The following SLC35F1 variants were observed in gnomAD, a reference collection of about 807,000 sequenced individuals.
The protein encoded by SLC35F1 is chromosome 6 open reading frame 169.
SLC35F1 carries 14 observed loss-of-function variants against 48.7 expected under a neutral mutation model. That is an observed-to-expected ratio of 0.29 (90% CI 0.19 to 0.45). The LOEUF (loss-of-function observed/expected upper bound fraction) is 0.45. SLC35F1 is among the 20% of genes least tolerant of loss of function. SLC35F1 has a pLI of 1.00. For synonymous variants in SLC35F1, 190 were observed against 202.2 expected, an observed-to-expected ratio of 0.94 and a Z score of 0.51; for missense variants, 404 against 500.0, an observed-to-expected ratio of 0.81 and a Z score of 1.83.
chr6:118,177,427 C>T (rs1183238182), intron 2 of SLC35F1, among the ~76,000 whole-genome samples: 1 of 152,096 alleles, frequency 6.6e-6, no homozygotes, highest in African/African-American at 2.4e-5. Flanking sequence ...GAGATAATCC[C>T]TCCCACATAC....
chr6:118,244,900 A>G (rs1180930614), intron 3 of SLC35F1, among the ~76,000 whole-genome samples: 2 of 152,258 alleles, frequency 1.3e-5, no homozygotes, highest in Non-Finnish European at 2.9e-5. Flanking sequence ...AATGAATGAA[A>G]GGATGAATTT....
intron 1 of SLC35F1, among the ~76,000 whole-genome samples, chr6:118,034,196 C>G (rs1468638737): frequency 1.3e-5 from 2 of 151,932 alleles, no homozygotes; most frequent in Non-Finnish European, 2.9e-5. Context: ...GTCACTGTTA[C>G]TTTTTTTTAA....
At chr6:118,072,638 GATA>G (rs1772752222) in intron 1 of SLC35F1, among the ~76,000 whole-genome samples, 1 of 152,154 alleles carries the variant, frequency 6.6e-6, no homozygotes, top group Admixed American at 6.5e-5. Flanking sequence ...TTTCCTACAG[GATA>G]ATATTTCATT....
chr6:117,990,323 G>C (rs1459497172), intron 1 of SLC35F1, among the ~76,000 whole-genome samples: 2 of 152,118 alleles, frequency 1.3e-5, no homozygotes, highest in East Asian at 3.9e-4. Flanking sequence ...CCATTGGGAA[G>C]TGTGAGTAGT....
In SLC35F1 at chr6:118,287,243, A is replaced by G. The variant is rs1336449057; in HGVS notation, c.1002+1905A>G. On this transcript the variant is annotated intron_variant, in intron 7 of 7. Transcript: ENST00000360388. ...CAGTCATTTTCCAGAGCTCTGGGGA[A>G]CACCTGGCTATGGGTTCATCCTCAC... Among the ~76,000 whole-genome samples the G allele has an allele frequency of 3.9e-5, 6 of 152,276 alleles. No individual in the cohort carries two copies. In the East Asian group the frequency reaches 5.8e-4, roughly 15 times the overall value.
At chr6:118,072,268 A>G (rs1772742965) in intron 1 of SLC35F1, among the ~76,000 whole-genome samples, 1 of 152,162 alleles carries the variant, frequency 6.6e-6, no homozygotes, top group African/African-American at 2.4e-5. Context: ...CTGAGCATAA[A>G]AATTAGAGGA....
intron 3 of SLC35F1, among the ~76,000 whole-genome samples, chr6:118,237,558 T>A (rs1364896922): frequency 6.6e-6 from 1 of 152,054 alleles, no homozygotes; most frequent in Non-Finnish European, 1.5e-5. Flanking sequence ...CCTGGCTAAT[T>A]TTTGTAGTTT....
intron 1 of SLC35F1, among the ~76,000 whole-genome samples, chr6:117,980,534 A>G (rs1384054169): frequency 1.3e-5 from 2 of 152,188 alleles, no homozygotes; most frequent in African/African-American, 4.8e-5. Context: ...TGGAACAGAA[A>G]GGAGTTTCTG....
At chr6:118,175,014 A>C (rs1255813296) in intron 2 of SLC35F1, among the ~76,000 whole-genome samples, 1 of 152,156 alleles carries the variant, frequency 6.6e-6, no homozygotes, top group Non-Finnish European at 1.5e-5. Flanking sequence ...AACCAGAGCT[A>C]TAGAAGTCGG....
intron 1 of SLC35F1, among the ~76,000 whole-genome samples, chr6:118,059,184 C>T (rs1435301996): frequency 6.6e-6 from 1 of 152,080 alleles, no homozygotes; most frequent in East Asian, 1.9e-4. Flanking sequence ...TATTTTCTTA[C>T]AAAAAACACT....
chr6:117,970,164 A>C (rs1441035757), intron 1 of SLC35F1, among the ~76,000 whole-genome samples: 1 of 152,232 alleles, frequency 6.6e-6, no homozygotes, highest in African/African-American at 2.4e-5. Context: ...TGATGTATTC[A>C]TCATGCCAGT....
chr6:117,919,617 A>G (rs986829725), intron 1 of SLC35F1, among the ~76,000 whole-genome samples: 1 of 151,860 alleles, frequency 6.6e-6, no homozygotes, highest in African/African-American at 2.4e-5. Flanking sequence ...CTGAAGTGAA[A>G]CCCACCGATC....
chr6:118,287,737 T>A (rs1350335453), intron 7 of SLC35F1, among the ~76,000 whole-genome samples: 1 of 152,158 alleles, frequency 6.6e-6, no homozygotes, highest in Non-Finnish European at 1.5e-5. Flanking sequence ...TTCCCACACT[T>A]CCACTGATGT....
chr6:118,191,310 A>C (rs534808492), intron 2 of SLC35F1, among the ~76,000 whole-genome samples: 1 of 152,338 alleles, frequency 6.6e-6, no homozygotes, highest in East Asian at 1.9e-4. Context: ...AAGTACACAC[A>C]GTGGGATACA....
rs1288607414 is a variant in SLC35F1 at position 118,276,086 on chromosome 6, A to C, written c.794+471A>C. ...CAAGAGTGGACCATATTTCAAATTT[A>C]TCTCTTAGAATTTAGCATTTCTATT... On this transcript the variant is annotated intron_variant, in intron 5 of 7. Transcript: ENST00000360388. Among the ~76,000 whole-genome samples, 3 of 152,202 alleles carry C rather than the reference A, an allele frequency of 2.0e-5. No individual in the cohort carries two copies. In the East Asian group the frequency reaches 5.8e-4, roughly 29 times the overall value.
chr6:117,997,954 GCT>G (rs1777021428), intron 1 of SLC35F1, among the ~76,000 whole-genome samples: 2 of 151,154 alleles, frequency 1.3e-5, no homozygotes, highest in Admixed American at 1.3e-4. Context: ...TGGACTAAAT[GCT>G]CCAATTAAAA....
intron 1 of SLC35F1, among the ~76,000 whole-genome samples, chr6:117,966,465 G>A (rs886428209): frequency 1.3e-5 from 2 of 152,086 alleles, no homozygotes; most frequent in Admixed American, 1.3e-4. Context: ...GGGATGCGCT[G>A]CCTTTATGAA....
In SLC35F1 at chr6:118,316,580, T is replaced by C. The variant is rs1216143572; in HGVS notation, c.*2328T>C. 1 of 152,670 alleles carries C rather than the reference T, an allele frequency of 6.6e-6. No homozygotes were observed. The highest frequency in any genetic ancestry group is 1.5e-5 in the Non-Finnish European group (1 of 68,038). 9.5% of individuals were successfully genotyped at this position (152,670 alleles called of 1,614,324 possible). On this transcript the variant is annotated 3_prime_UTR_variant, in exon 8 of 8. Coordinates refer to ENST00000360388, the MANE Select transcript of SLC35F1 (RefSeq NM_001029858.4). ...ATGACATTAATTTGTAGACACTTAG[T>C]AAAGTCTTATGAGAAGCAAGTGGAT...
intron 2 of SLC35F1, among the ~76,000 whole-genome samples, chr6:118,202,189 C>T (rs759371439): frequency 3.9e-5 from 6 of 152,164 alleles, no homozygotes; most frequent in Non-Finnish European, 5.9e-5. Flanking sequence ...AATTGCTAGA[C>T]TGTTTCCCAA....
Sources: allele counts gnomAD v4.1 joint callset (sites outside exome capture counted in the v4.1 genomes callset), GRCh38; gene constraint gnomAD v4.1.1; transcripts MANE v1.5; gene names NCBI Gene and HGNC (gene_info 2026-07-23, HGNC 2026-07-21).